SETD2: variants seen among roughly 807,000 people sequenced by gnomAD.
The protein encoded by SETD2 is SET domain containing 2, histone lysine methyltransferase.
Under a neutral mutation model 242.1 loss-of-function variants are expected in SETD2, and 31 were observed. The ratio of observed to expected loss-of-function variants is 0.13; its 90% confidence interval spans 0.10 to 0.17. The LOEUF (loss-of-function observed/expected upper bound fraction) is 0.17, where lower values mean the gene tolerates loss of function less well. Among genes scored for constraint, SETD2 ranks in the 10% least tolerant of loss-of-function variants. SETD2 has a pLI of 1.00. For missense variants in SETD2, 2,481 were observed against 3,046.3 expected, an observed-to-expected ratio of 0.81 and a Z score of 4.37; for synonymous variants, 1,006 against 1,066.5, an observed-to-expected ratio of 0.94 and a Z score of 1.11.
Position 47,075,521 on chromosome 3 carries a change from G to A in SETD2, c.6060+8199C>T, listed in dbSNP as rs141281867. ...AGAGGTTGTGGTGAGCCAAGATCATGCCATTGCACTCCAGCCTGGGCAACA... is the reference window on the plus strand; with the variant it reads ...AGAGGTTGTGGTGAGCCAAGATCATACCATTGCACTCCAGCCTGGGCAACA... On this transcript the variant is annotated intron_variant, in intron 12 of 20. Transcript: ENST00000409792. 4.6e-3 allele frequency among the ~76,000 whole-genome samples: 607 copies of A among 132,618 alleles called. 8 individuals carry two copies. The highest frequency in any genetic ancestry group is 0.017 in the African/African-American group (577 of 34,206). 87.0% of individuals were successfully genotyped at this position (132,618 alleles called of 152,430 possible).
chr3:47,064,092 T>C (rs2040454544), intron 13 of SETD2, among the ~76,000 whole-genome samples: 1 of 152,258 alleles, frequency 6.6e-6, no homozygotes, highest in South Asian at 2.1e-4. Flanking sequence ...TGCTCTCTTA[T>C]TGAGAATTTC....
chr3:47,149,973 T>C (rs1376896842), intron 1 of SETD2, among the ~76,000 whole-genome samples: 3 of 151,634 alleles, frequency 2.0e-5, no homozygotes, highest in African/African-American at 4.8e-5. Flanking sequence ...GCCTCTATTT[T>C]TGGAGTACTA....
intron 5 of SETD2, among the ~76,000 whole-genome samples, chr3:47,108,143 TA>T (rs1161173737): frequency 3.3e-5 from 5 of 151,990 alleles, no homozygotes; most frequent in African/African-American, 1.2e-4. Context: ...AAAAATGTTT[TA>T]AAACATTTTT....
At chr3:47,080,920 T>C (rs2041292953) in intron 12 of SETD2, 1 of 986,862 alleles carries the variant, frequency 1.0e-6, no homozygotes, top group African/African-American at 1.7e-5. Flanking sequence ...TTTCACCTAT[T>C]ATATTTTTCA....
chr3:47,081,352 C>CCATAACCA (rs1156850521), intron 12 of SETD2, among the ~76,000 whole-genome samples: 1 of 152,120 alleles, frequency 6.6e-6, no homozygotes, highest in Non-Finnish European at 1.5e-5. Flanking sequence ...CTTGAAATGG[C>CCATAACCA]CATAACCACA....
rs143083979 is a variant in SETD2 at position 47,057,180 on chromosome 3, G to C, written c.6604C>G (p.Pro2202Ala). 179 of 1,614,206 alleles carry C rather than the reference G, an allele frequency of 1.1e-4. No homozygotes were observed. Among genetic ancestry groups the C allele is most frequent in the Non-Finnish European group, 1.4e-4 (171 of 1,180,018 alleles). The change falls in exon 15 of 21, where the codon CCT becomes GCT. Residue 2202 changes from proline (P) to alanine (A), a missense_variant. Physicochemically the swap from Pro to Ala is conservative, Grantham distance 27 (BLOSUM62 -1). Transcript: ENST00000409792. ...PSMDPVCSPA[P>A]YDHAQPLVGH... Reference sequence around the variant, plus strand: ...ACCAAGGGCTGAGCATGATCATAAGGAGCAGGAGAACACACTGGGTCCATG... The same window carrying C: ...ACCAAGGGCTGAGCATGATCATAAGCAGCAGGAGAACACACTGGGTCCATG...
At chr3:47,031,842 A>C (rs2107518509) in intron 18 of SETD2, among the ~76,000 whole-genome samples, 1 of 152,356 alleles carries the variant, frequency 6.6e-6, no homozygotes, top group Admixed American at 6.5e-5. Context: ...AAAATAAAGC[A>C]TTATTTTAAA....
In SETD2 at chr3:47,031,369, G is replaced by A. The variant is rs528145596; in HGVS notation, c.7350+6297C>T. 1.4e-4 allele frequency among the ~76,000 whole-genome samples: 22 copies of A among 152,300 alleles called. No homozygotes were observed. In the East Asian group the frequency reaches 4.2e-3, roughly 29 times the overall value. ...CGTGTGTAGTGACAGGGGGTATATGGAAACTCTCCGTACTTCCTGTTCAAT... is the reference window on the plus strand; with the variant it reads ...CGTGTGTAGTGACAGGGGGTATATGAAAACTCTCCGTACTTCCTGTTCAAT... On this transcript the variant is annotated intron_variant, in intron 18 of 20. Transcript: ENST00000409792.
chr3:47,142,947 G>A (rs11714282), intron 1 of SETD2, among the ~76,000 whole-genome samples: 73,867 of 151,916 alleles, frequency 0.49, 19,458 homozygotes, highest in Non-Finnish European at 0.58. Context: ...TGGGATTACA[G>A]GCGTGAGCCA....
chr3:47,055,029 C>A (rs2039996100), intron 15 of SETD2, among the ~76,000 whole-genome samples: 1 of 151,814 alleles, frequency 6.6e-6, no homozygotes, highest in African/African-American at 2.4e-5. Flanking sequence ...TAAATAAAGT[C>A]TGACTTACTA....
intron 19 of SETD2, among the ~76,000 whole-genome samples, chr3:47,018,805 A>G (rs2038091396): frequency 6.6e-6 from 1 of 152,160 alleles, no homozygotes; most frequent in Non-Finnish European, 1.5e-5. Context: ...CAGCCCTCCC[A>G]TATCTTGTGC....
intron 16 of SETD2, among the ~76,000 whole-genome samples, 158 bp downstream of exon 16, chr3:47,046,329 T>C (rs2039525068): frequency 6.9e-6 from 1 of 145,120 alleles, no homozygotes; most frequent in Non-Finnish European, 1.5e-5. Context: ...AGAGCGAGAC[T>C]CTGTCTCAAA....
At chr3:47,094,205 A>G (rs1357109046) in intron 9 of SETD2, among the ~76,000 whole-genome samples, 1 of 152,218 alleles carries the variant, frequency 6.6e-6, no homozygotes, top group African/African-American at 2.4e-5. Flanking sequence ...CATAAACTAC[A>G]AATAACATCA....
intron 1 of SETD2, among the ~76,000 whole-genome samples, chr3:47,131,329 T>TTAGCA (rs2043469542): frequency 3.9e-5 from 6 of 152,106 alleles, no homozygotes; most frequent in Non-Finnish European, 7.4e-5. Flanking sequence ...TTTAGCTCAT[T>TTAGCA]TTTAGTACAT....
intron 1 of SETD2, among the ~76,000 whole-genome samples, chr3:47,136,195 T>C (rs1559759133): frequency 6.6e-6 from 1 of 152,108 alleles, no homozygotes; most frequent in Non-Finnish European, 1.5e-5. Context: ...CAAACCTCAT[T>C]TGTCCTTAAT....
intron 15 of SETD2, among the ~76,000 whole-genome samples, chr3:47,050,709 T>C (rs1192403266): frequency 1.4e-5 from 2 of 143,408 alleles, no homozygotes; most frequent in South Asian, 4.8e-4. Context: ...TCAACCTGTA[T>C]ACATTTCCTC....
rs2041418810 is a variant in SETD2 at position 47,083,791 on chromosome 3, C to G, written c.5989G>C (p.Glu1997Gln). ...VSDVESERSQ[E>Q]QPDKTVDISD... ...ATATCCACTGTTTTATCTGGCTGTT[C>G]TTGGCTCCTTTCACTCTCCACATCA... is the stretch of plus-strand genomic sequence containing the variant. Residue 1997 changes from glutamate to glutamine, a missense_variant, in exon 12 of 21, where the codon GAA (glutamate) becomes CAA (glutamine). Physicochemically the swap from Glu to Gln is conservative, Grantham distance 29 (BLOSUM62 2). Around this residue, in one of 17 missense-constraint regions of SETD2, gnomAD observed 203 missense variants for 222.4 expected, o/e 0.91. Coordinates refer to ENST00000409792, the MANE Select transcript of SETD2 (RefSeq NM_014159.7). 6.2e-7 allele frequency: 1 copy of G among 1,614,040 alleles called. No individual in the cohort carries two copies. The highest frequency in any genetic ancestry group is 8.5e-7 in the Non-Finnish European group (1 of 1,180,010).
intron 17 of SETD2, among the ~76,000 whole-genome samples, chr3:47,040,534 T>C (rs1024180653): frequency 2.7e-5 from 4 of 149,334 alleles, no homozygotes; most frequent in African/African-American, 9.8e-5. Flanking sequence ...CCTGTTAGAC[T>C]TGCAAGGTTA....
At chr3:47,125,611 G>T (rs2043301484) in intron 2 of SETD2, among the ~76,000 whole-genome samples, 1 of 152,168 alleles carries the variant, frequency 6.6e-6, no homozygotes, top group Admixed American at 6.5e-5. Context: ...TGCCTTCCTG[G>T]AGAGTACTCT....
Sources: gnomAD v4.1 joint callset for allele counts (sites outside exome capture counted in the v4.1 genomes callset) on GRCh38, gnomAD v4.1.1 for gene constraint, gnomAD v4.1.1 regional missense constraint, MANE v1.5 for transcripts, NCBI Gene and HGNC (gene_info 2026-07-23, HGNC 2026-07-21) for gene names.